TCEANC2: variants seen among roughly 807,000 people sequenced by gnomAD.
TCEANC2 encodes transcription elongation factor A N-terminal and central domain-containing protein 2.
Under a neutral mutation model 22.8 loss-of-function variants are expected in TCEANC2, and 20 were observed. The ratio of observed to expected loss-of-function variants is 0.88; its 90% CI spans 0.62 to 1.28. The LOEUF (loss-of-function observed/expected upper bound fraction) is 1.28, where lower values mean the gene tolerates loss of function less well. Among genes scored for constraint, TCEANC2 ranks in the 50% most tolerant of loss-of-function variants. The probability of loss-of-function intolerance (pLI) is 0.00; values close to 1 mark genes in which losing one functional copy is unlikely to be tolerated. For synonymous variants in TCEANC2, 84 were observed against 95.5 expected (o/e 0.88, Z 0.70); for missense variants, 251 against 249.7 (o/e 1.01, Z -0.03).
chr1:54,103,675 A>G lies in TCEANC2; in HGVS notation c.*7202A>G, dbSNP rs1236788561. The G allele has an allele frequency of 6.6e-6, 1 of 152,204 alleles. No homozygotes were observed. The highest frequency in any genetic ancestry group is 2.4e-5 in the African/African-American group (1 of 41,430). 9.4% of individuals were successfully genotyped at this position (152,204 alleles called of 1,614,324 possible). A position where few individuals can be genotyped will look rare whatever the true frequency, so the allele number is the denominator to read the frequency against. On this transcript the variant is annotated 3_prime_UTR_variant, in exon 5 of 5. Coordinates refer to ENST00000234827, the MANE Select transcript of TCEANC2 (RefSeq NM_153035.3). Reference sequence around the variant, plus strand: ...TGAGTGTTCGGCCTGCCAGTAACAGAGACCAACTCTGAACCTAGATATAGC... The same window carrying G: ...TGAGTGTTCGGCCTGCCAGTAACAGGGACCAACTCTGAACCTAGATATAGC...
chr1:54,084,209 C>T (rs563665882), intron 3 of TCEANC2, among the ~76,000 whole-genome samples: 18 of 152,180 alleles, frequency 1.2e-4, no homozygotes, highest in South Asian at 4.1e-4. Context: ...GAGAGGGTTT[C>T]GCCATGTTGG....
At chr1:54,085,572 T>A (rs949393419) in intron 3 of TCEANC2, among the ~76,000 whole-genome samples, 2 of 152,178 alleles carry the variant, frequency 1.3e-5, no homozygotes, top group African/African-American at 4.8e-5. Flanking sequence ...ATATCTTAGA[T>A]CTTAGATATG....
chr1:54,066,919 A>G (rs1657968730), intron 2 of TCEANC2, among the ~76,000 whole-genome samples: 2 of 152,236 alleles, frequency 1.3e-5, no homozygotes, highest in African/African-American at 4.8e-5. Context: ...GAGATTCTGG[A>G]CCATCTATAC....
At chr1:54,055,211 C>T (rs985867883) in intron 2 of TCEANC2, among the ~76,000 whole-genome samples, 4 of 152,100 alleles carry the variant, frequency 2.6e-5, no homozygotes, top group South Asian at 2.1e-4. Flanking sequence ...ATGATCCACC[C>T]GCCTCTTGTC....
chr1:54,100,420 T>C lies in TCEANC2; in HGVS notation c.*3947T>C, dbSNP rs905518629. ...GCAATAAAGGAGAGATAATTTCCTC[T>C]GAGTCTGGTGAGGCAGATAGACACA... On this transcript the variant is annotated 3_prime_UTR_variant, in exon 5 of 5. Transcript: ENST00000234827. 5.3e-5 allele frequency: 8 copies of C among 152,190 alleles called. No individual in the cohort carries two copies. The highest frequency in any genetic ancestry group is 1.7e-4 in the African/African-American group (7 of 41,436). The allele number at this position is 152,190 out of a possible 1,614,324, so 9.4% of individuals were successfully genotyped here. A position where few individuals can be genotyped will look rare whatever the true frequency, so the allele number is the denominator to read the frequency against.
intron 2 of TCEANC2, among the ~76,000 whole-genome samples, chr1:54,063,404 G>A (rs1657893022): frequency 6.6e-6 from 1 of 152,212 alleles, no homozygotes; most frequent in East Asian, 1.9e-4. Flanking sequence ...TATCTGTAGG[G>A]GATTGGTTCC....
At chr1:54,065,999 T>C (rs1657947160) in intron 2 of TCEANC2, among the ~76,000 whole-genome samples, 1 of 147,874 alleles carries the variant, frequency 6.8e-6, no homozygotes, top group Admixed American at 6.7e-5. Context: ...TTGAACAGGT[T>C]GGGGGAGAGG....
Position 54,097,673 on chromosome 1 carries a change from A to G in TCEANC2, c.*1200A>G, listed in dbSNP as rs1456952270. Reference sequence around the variant, plus strand: ...AAAATATTGCTTACTTCTCTCACCCATTGTATTAAGTAGGTATTGTTGTTT... The same window carrying G: ...AAAATATTGCTTACTTCTCTCACCCGTTGTATTAAGTAGGTATTGTTGTTT... On this transcript the variant is annotated 3_prime_UTR_variant, in exon 5 of 5. Transcript: ENST00000234827. 2 of 152,226 alleles carry G rather than the reference A, an allele frequency of 1.3e-5. No individual in the cohort carries two copies. Among genetic ancestry groups the G allele is most frequent in the East Asian group, 3.8e-4 (2 of 5,206 alleles). 9.4% of individuals were successfully genotyped at this position (152,226 alleles called of 1,614,324 possible).
In TCEANC2 at chr1:54,054,385, C is replaced by T. The variant is rs372421175; in HGVS notation, c.-38C>T. On this transcript the variant is annotated 5_prime_UTR_variant, in exon 2 of 5. It adds an upstream start codon to the 5' untranslated region. Coordinates refer to ENST00000234827, the MANE Select transcript of TCEANC2 (RefSeq NM_153035.3). ...TCTGCCCTCTTTCTTGACCAGAACA[C>T]GCTGCAAGCACGTCAAGGTAGTCGG... The T allele has an allele frequency of 2.5e-5, 40 of 1,612,458 alleles. No individual in the cohort carries two copies. The African/African-American group carries it at 4.4e-4, about 18-fold the overall frequency.
intron 4 of TCEANC2, chr1:54,089,827 A>G (rs972169276): frequency 4.6e-6 from 2 of 430,290 alleles, no homozygotes; most frequent in Non-Finnish European, 8.4e-6. Flanking sequence ...CAGCAGCTGC[A>G]TTGCCACAGT....
rs1658738477 is a variant in TCEANC2 at position 54,105,612 on chromosome 1, T to C, written c.*9139T>C. The C allele has an allele frequency of 1.3e-5, 2 of 150,720 alleles. No individual in the cohort carries two copies. The highest frequency in any genetic ancestry group is 1.3e-4 in the Admixed American group (2 of 15,052). The allele number at this position is 150,720 out of a possible 1,614,324, so 9.3% of individuals were successfully genotyped here. On this transcript the variant is annotated 3_prime_UTR_variant, in exon 5 of 5. Coordinates refer to ENST00000234827, the MANE Select transcript of TCEANC2 (RefSeq NM_153035.3). Reference sequence around the variant, plus strand: ...CTCTTCCAGTTTTTGTTAACAATTCTAGAACAGGGGTCAGCAAACTTTTTT... The same window carrying C: ...CTCTTCCAGTTTTTGTTAACAATTCCAGAACAGGGGTCAGCAAACTTTTTT...
chr1:54,086,582 G>A (rs1002750493), intron 3 of TCEANC2, among the ~76,000 whole-genome samples: 5 of 152,200 alleles, frequency 3.3e-5, no homozygotes, highest in African/African-American at 7.2e-5. Flanking sequence ...CAAGTAGCTG[G>A]AGTATTGGAT....
chr1:54,054,633 C>T, intron 2 of TCEANC2, 109 bp downstream of exon 2: 1 of 1,118,770 alleles, frequency 8.9e-7, no homozygotes, highest in Non-Finnish European at 1.2e-6. Context: ...TATGCCTCCT[C>T]CTCAAAGTGT....
exon 5 of TCEANC2, chr1:54,111,085 C>T (rs1043584508): frequency 1.3e-5 from 2 of 152,334 alleles, no homozygotes; most frequent in Admixed American, 1.3e-4. Flanking sequence ...TTGTCCGTCT[C>T]TCCTTCACTG....
At chr1:54,081,786 C>G (rs60406369) in intron 3 of TCEANC2, among the ~76,000 whole-genome samples, 14,795 of 152,164 alleles carry the variant, frequency 0.097, 1,707 homozygotes, top group African/African-American at 0.28. Context: ...GTTGACAGAA[C>G]ACTCCTGACC....
downstream of TCEANC2, among the ~76,000 whole-genome samples, chr1:54,106,543 C>T (rs1658758284): frequency 6.6e-6 from 1 of 152,112 alleles, no homozygotes; most frequent in Non-Finnish European, 1.5e-5. Flanking sequence ...TTTACTCTTA[C>T]AGTGCATCTC....
chr1:54,076,942 G>A, intron 3 of TCEANC2, among the ~76,000 whole-genome samples: 1 of 152,304 alleles, frequency 6.6e-6, no homozygotes, highest in South Asian at 2.1e-4. Context: ...GATGGGGAAC[G>A]TGGATGGTCT....
intron 4 of TCEANC2, among the ~76,000 whole-genome samples, chr1:54,094,150 C>A (rs1658500156): frequency 6.6e-6 from 1 of 152,178 alleles, no homozygotes; most frequent in African/African-American, 2.4e-5. Flanking sequence ...TTGTGAGCAC[C>A]TTTTGTCGGC....
intron 2 of TCEANC2, among the ~76,000 whole-genome samples, chr1:54,064,996 G>A (rs533333485): frequency 6.6e-6 from 1 of 152,084 alleles, no homozygotes; most frequent in African/African-American, 2.4e-5. Flanking sequence ...CACTGTGCCC[G>A]GCTGGGGTTT....
Sources: allele counts gnomAD v4.1 joint callset (sites outside exome capture counted in the v4.1 genomes callset), GRCh38; gene constraint gnomAD v4.1.1; transcripts MANE v1.5; gene names NCBI Gene and HGNC (gene_info 2026-07-23, HGNC 2026-07-21).